Variants in KCNIP4 observed in about 807,000 individuals in gnomAD.
KCNIP4 encodes potassium voltage-gated channel interacting protein 4, also known as Kv channel-interacting protein 4.
A neutral mutation model predicts 34.0 loss-of-function variants in KCNIP4; 12 were observed. The observed-to-expected ratio is 0.35, with a 90% CI of 0.23 to 0.57. KCNIP4 has a LOEUF of 0.57. Ranked by LOEUF, KCNIP4 falls within the 20% of genes least tolerant of loss-of-function variation. KCNIP4 has a pLI of 0.83. For missense variants in KCNIP4, 238 were observed against 311.7 expected, an observed-to-expected ratio of 0.76 and a Z score of 1.78; for synonymous variants, 124 against 102.2, an observed-to-expected ratio of 1.21 and a Z score of -1.29.
chr4:21,008,948 C>T (rs1355940827), intron 1 of KCNIP4, among the ~76,000 whole-genome samples: 1 of 152,092 alleles, frequency 6.6e-6, no homozygotes, highest in African/African-American at 2.4e-5. Flanking sequence ...CACCCTCCCC[C>T]AAATTCAGGA....
At chr4:21,872,577 A>G (rs1272575309) in intron 1 of KCNIP4, among the ~76,000 whole-genome samples, 2 of 152,196 alleles carry the variant, frequency 1.3e-5, no homozygotes, top group African/African-American at 4.8e-5. Context: ...ACATGAAGAA[A>G]GGAGGGACAG....
chr4:21,814,577 C>T (rs1315487701), intron 1 of KCNIP4, among the ~76,000 whole-genome samples: 1 of 152,098 alleles, frequency 6.6e-6, no homozygotes, highest in African/African-American at 2.4e-5. Context: ...TTATAAATTA[C>T]CCAGTCTCAG....
intron 1 of KCNIP4, among the ~76,000 whole-genome samples, chr4:21,343,995 C>T (rs933331157): frequency 6.6e-6 from 1 of 152,120 alleles, no homozygotes; most frequent in Admixed American, 6.6e-5. Context: ...TCTGGTCTGT[C>T]TCATTGCTGT....
chr4:20,739,366 C>G (rs932557743), intron 5 of KCNIP4, among the ~76,000 whole-genome samples: 1 of 152,160 alleles, frequency 6.6e-6, no homozygotes, highest in Non-Finnish European at 1.5e-5. Flanking sequence ...CAGCCAGGTG[C>G]CCCTCTAAGA....
intron 1 of KCNIP4, among the ~76,000 whole-genome samples, chr4:21,928,487 AC>A (rs1344634115): frequency 1.3e-5 from 2 of 152,146 alleles, no homozygotes; most frequent in African/African-American, 4.8e-5. Context: ...ATCACAAAAT[AC>A]CCTGTAATCA....
At chr4:21,828,691 G>A (rs906045212) in intron 1 of KCNIP4, among the ~76,000 whole-genome samples, 6 of 151,798 alleles carry the variant, frequency 4.0e-5, no homozygotes, top group African/African-American at 1.4e-4. Flanking sequence ...AATAGTAAAG[G>A]CACCATGAAA....
chr4:21,346,108 T>TC (rs1560311128), intron 1 of KCNIP4, among the ~76,000 whole-genome samples: 5 of 121,286 alleles, frequency 4.1e-5, no homozygotes, highest in Non-Finnish European at 6.5e-5. Context: ...CTTAAATATA[T>TC]ATAAATATAT....
chr4:21,276,188 A>T (rs1162939939), intron 1 of KCNIP4, among the ~76,000 whole-genome samples: 1 of 152,170 alleles, frequency 6.6e-6, no homozygotes, highest in African/African-American at 2.4e-5. Flanking sequence ...GCGCCACCTT[A>T]ATCCACAGTG....
rs561307867 is a variant in KCNIP4 at position 21,103,423 on chromosome 4, C to T, written c.62-220714G>A. Among the ~76,000 whole-genome samples, 368 of 146,580 alleles carry T rather than the reference C, an allele frequency of 2.5e-3. 2 individuals are homozygous for T. The highest frequency in any genetic ancestry group is 8.7e-3 in the African/African-American group (349 of 40,138). On this transcript the variant is annotated intron_variant, in intron 1 of 8. Transcript: ENST00000382152. ...AATATCTAAATAGACTGGTTGCTGA[C>T]TTTATCATTAGTTGATGGTTGACAG...
chr4:21,433,911 T>C (rs2109677287), intron 1 of KCNIP4, among the ~76,000 whole-genome samples: 1 of 152,378 alleles, frequency 6.6e-6, no homozygotes, highest in African/African-American at 2.4e-5. Flanking sequence ...AATATTATCA[T>C]TTGTTAATAA....
chr4:21,549,470 C>A (rs1211259733), intron 1 of KCNIP4, among the ~76,000 whole-genome samples: 2 of 151,834 alleles, frequency 1.3e-5, no homozygotes, highest in Non-Finnish European at 1.5e-5. Context: ...CCTGACATTT[C>A]TCTTGCTCCC....
intron 1 of KCNIP4, among the ~76,000 whole-genome samples, chr4:21,120,773 C>G (rs1750088108): frequency 6.6e-6 from 1 of 152,192 alleles, no homozygotes; most frequent in Non-Finnish European, 1.5e-5. Context: ...GGTGGGGACA[C>G]AAAGCCTAAC....
At chr4:21,077,408 A>T (rs1228352241) in intron 1 of KCNIP4, among the ~76,000 whole-genome samples, 1 of 152,146 alleles carries the variant, frequency 6.6e-6, no homozygotes, top group Admixed American at 6.6e-5. Context: ...AAGGTTCTGG[A>T]AGTTAAATAA....
At chr4:21,672,054 T>C (rs917389317) in intron 1 of KCNIP4, among the ~76,000 whole-genome samples, 1 of 152,186 alleles carries the variant, frequency 6.6e-6, no homozygotes, top group African/African-American at 2.4e-5. Flanking sequence ...AGGGATTTTA[T>C]GCTAAGATAG....
At chr4:21,149,475 A>G (rs1007641923) in intron 1 of KCNIP4, among the ~76,000 whole-genome samples, 16 of 152,168 alleles carry the variant, frequency 1.1e-4, no homozygotes, top group Admixed American at 9.2e-4. Context: ...TTCCAGGGAG[A>G]CAGCAATGTC....
At chr4:21,192,279 C>T (rs1577862849) in intron 1 of KCNIP4, among the ~76,000 whole-genome samples, 2 of 152,210 alleles carry the variant, frequency 1.3e-5, no homozygotes, top group South Asian at 4.1e-4. Flanking sequence ...AATTCTTTTA[C>T]ACTCTTGAGG....
chr4:21,621,857 G>A (rs1231154624), intron 1 of KCNIP4, among the ~76,000 whole-genome samples: 7 of 152,152 alleles, frequency 4.6e-5, no homozygotes, highest in African/African-American at 1.7e-4. Context: ...TGGAGCCAGT[G>A]CCTTTATCTA....
chr4:21,713,377 G>C (rs1251762216), intron 1 of KCNIP4, among the ~76,000 whole-genome samples: 7 of 152,146 alleles, frequency 4.6e-5, no homozygotes, highest in African/African-American at 9.7e-5. Context: ...CTTGAACACT[G>C]CTGGGATGAT....
chr4:21,421,047 A>G (rs1298806797), intron 1 of KCNIP4, among the ~76,000 whole-genome samples: 1 of 152,206 alleles, frequency 6.6e-6, no homozygotes, highest in Non-Finnish European at 1.5e-5. Flanking sequence ...GCTCATCATC[A>G]CTAATCATTA....
Sources: allele counts gnomAD v4.1 joint callset (sites outside exome capture counted in the v4.1 genomes callset), GRCh38; gene constraint gnomAD v4.1.1; transcripts MANE v1.5; gene names NCBI Gene and HGNC (gene_info 2026-07-23, HGNC 2026-07-21).